ADAMTS2: variants seen among roughly 807,000 people sequenced by gnomAD.
ADAMTS2 encodes ADAM metallopeptidase with thrombospondin type 1 motif 2.
In ADAMTS2, 50 loss-of-function variants were observed where a neutral mutation model predicts 123.0. The observed-to-expected ratio is 0.41, with a 90% confidence interval of 0.32 to 0.51. ADAMTS2 has a LOEUF of 0.51. ADAMTS2 is among the 20% of genes least tolerant of loss of function. The pLI is 0.35. For synonymous variants in ADAMTS2, 678 were observed against 695.4 expected (o/e 0.98, Z 0.39); for missense variants, 1,494 against 1,705.2 (o/e 0.88, Z 2.18).
chr5:179,138,695 G>T (rs778911895), intron 11 of ADAMTS2, among the ~76,000 whole-genome samples: 15 of 152,224 alleles, frequency 9.9e-5, no homozygotes, highest in Non-Finnish European at 1.9e-4. Flanking sequence ...GGACAGCAGG[G>T]GTAGGAGAGG....
intron 3 of ADAMTS2, among the ~76,000 whole-genome samples, chr5:179,213,221 T>A (rs866208098): frequency 2.0e-5 from 3 of 152,288 alleles, no homozygotes; most frequent in Middle Eastern, 6.8e-3. Context: ...TGCTGAAATG[T>A]CAGCTCCTAA....
chr5:179,142,056 C>T (rs1160031743), intron 10 of ADAMTS2, among the ~76,000 whole-genome samples: 1 of 148,880 alleles, frequency 6.7e-6, no homozygotes. Flanking sequence ...TTAGCTCTGG[C>T]TCAGTGGTGC....
At position 179,132,963 on chromosome 5, in the gene ADAMTS2, T is replaced by C. The variant is rs1762992094; in HGVS notation, c.2086-63A>G. ...TGCTAGTAGAGTCAGGGTCATACTA[T>C]GTTGCCCCCAGTCTCGAACACCTGG... On this transcript the variant is annotated intron_variant, in intron 13 of 21. Transcript: ENST00000251582. The surrounding 1 kb of genome is among the most constrained non-coding windows in gnomAD (Gnocchi z 6.1). 6.3e-7 allele frequency: 1 copy of C among 1,585,458 alleles called. No individual in the cohort carries two copies. The highest frequency in any genetic ancestry group is 1.8e-5 in the Admixed American group (1 of 56,390).
chr5:179,226,455 T>G (rs554668866), intron 3 of ADAMTS2, among the ~76,000 whole-genome samples: 2 of 151,694 alleles, frequency 1.3e-5, no homozygotes, highest in Admixed American at 6.6e-5. Context: ...TTTTGTATTT[T>G]TAGTAGAGAC....
At position 179,261,456 on chromosome 5, in the gene ADAMTS2, T is replaced by G. The variant is rs898537715; in HGVS notation, c.688+11455A>C. Reference sequence around the variant, plus strand: ...CTAATTCATTTAGTCACTCAGTAGGTGCCCCCTGATGGCTGCTCAGGGCCA... The same window carrying G: ...CTAATTCATTTAGTCACTCAGTAGGGGCCCCCTGATGGCTGCTCAGGGCCA... On this transcript the variant is annotated intron_variant, in intron 3 of 21. Transcript: ENST00000251582. Among the ~76,000 whole-genome samples, 13 of 152,320 alleles carry G rather than the reference T, an allele frequency of 8.5e-5. No homozygotes were observed. The East Asian group carries it at 2.3e-3, about 27-fold the overall frequency.
At chr5:179,211,802 C>T (rs1581193719) in intron 3 of ADAMTS2, among the ~76,000 whole-genome samples, 1 of 152,304 alleles carries the variant, frequency 6.6e-6, no homozygotes, top group East Asian at 1.9e-4. Flanking sequence ...CCTAGGCACA[C>T]CCCGAGTCTC....
chr5:179,269,191 A>G (rs1042132579), intron 3 of ADAMTS2, among the ~76,000 whole-genome samples: 7 of 152,132 alleles, frequency 4.6e-5, no homozygotes, highest in Admixed American at 2.6e-4. Flanking sequence ...TGGGCCAGAA[A>G]CAGATTCTCC....
rs528515203 is a variant in ADAMTS2 at position 179,158,897 on chromosome 5, G to A, written c.976-18C>T. The A allele has an allele frequency of 3.1e-6, 5 of 1,613,316 alleles. No individual in the cohort carries two copies. In the African/African-American group the frequency reaches 6.7e-5, roughly 21 times the overall value. On this transcript the variant is annotated intron_variant, in intron 5 of 21. Coordinates refer to ENST00000251582, the MANE Select transcript of ADAMTS2 (RefSeq NM_014244.5). This position sits in a 1 kb window ranked among gnomAD's most constrained non-coding sequence, Gnocchi z 5.0. ...CTCATGGACTGCAGGGGGATGGAGAGAAATGGAAGAGAGAGGTTGGCGCCT... is the reference window on the plus strand; with the variant it reads ...CTCATGGACTGCAGGGGGATGGAGAAAAATGGAAGAGAGAGGTTGGCGCCT...
At chr5:179,239,214 AG>A (rs1201530640) in intron 3 of ADAMTS2, among the ~76,000 whole-genome samples, 6 of 152,186 alleles carry the variant, frequency 3.9e-5, no homozygotes, top group Non-Finnish European at 8.8e-5. Context: ...AAGAGGACAA[AG>A]GCTTGACGCA....
intron 2 of ADAMTS2, among the ~76,000 whole-genome samples, chr5:179,293,565 G>A (rs1756247547): frequency 6.6e-6 from 1 of 152,214 alleles, no homozygotes. Context: ...GTGCCCCATA[G>A]ATCCCAGCCC....
chr5:179,120,737 G>C (rs898751167), intron 21 of ADAMTS2: 1 of 152,148 alleles, frequency 6.6e-6, no homozygotes, highest in Admixed American at 6.5e-5. Flanking sequence ...CCAGTCCGCG[G>C]AGACGGACGG....
At chr5:179,280,417 C>G (rs1766859051) in intron 2 of ADAMTS2, among the ~76,000 whole-genome samples, 1 of 152,236 alleles carries the variant, frequency 6.6e-6, no homozygotes, top group Admixed American at 6.5e-5. Context: ...CATCTGCAAA[C>G]TGAGGAGCTG....
intron 2 of ADAMTS2, among the ~76,000 whole-genome samples, chr5:179,275,399 G>C (rs1238107687): frequency 1.3e-5 from 2 of 152,144 alleles, no homozygotes; most frequent in East Asian, 3.8e-4. Context: ...CCAGGTCTGT[G>C]GCTGAAGAAC....
intron 10 of ADAMTS2, among the ~76,000 whole-genome samples, chr5:179,146,999 T>C (rs1668357599): frequency 6.6e-6 from 1 of 152,212 alleles, no homozygotes; most frequent in African/African-American, 2.4e-5. Flanking sequence ...TTCATTGCGG[T>C]TTCTCTTCTG....
At position 179,128,215 on chromosome 5, in the gene ADAMTS2, T is replaced by C. The variant is rs1762895927; in HGVS notation, c.2458-97A>G. The C allele has an allele frequency of 6.8e-7, 1 of 1,462,794 alleles. No individual in the cohort carries two copies. 90.6% of individuals were successfully genotyped at this position (1,462,794 alleles called of 1,614,324 possible). On this transcript the variant is annotated intron_variant, in intron 16 of 21. Coordinates refer to ENST00000251582, the MANE Select transcript of ADAMTS2 (RefSeq NM_014244.5). This position sits in a 1 kb window ranked among gnomAD's most constrained non-coding sequence, Gnocchi z 4.9. Reference sequence around the variant, plus strand: ...GCAGCTGAGGCCGACTCCAGAGGAGTCTCATCATTCATGGCAGTTACATTC... The same window carrying C: ...GCAGCTGAGGCCGACTCCAGAGGAGCCTCATCATTCATGGCAGTTACATTC...
In ADAMTS2 at chr5:179,175,052, GT is replaced by G. The variant is rs34599694; in HGVS notation, c.975+6019del. Reference sequence around the variant, plus strand: ...GCAGCTGTCTCAGCCATTCTTGACCGTTCATGTTCCTTTGGAGGAAGTCTCT... The same window carrying G: ...GCAGCTGTCTCAGCCATTCTTGACCGTCATGTTCCTTTGGAGGAAGTCTCT... On this transcript the variant is annotated intron_variant, in intron 5 of 21. Coordinates refer to ENST00000251582, the MANE Select transcript of ADAMTS2 (RefSeq NM_014244.5). This position sits in a 1 kb window ranked among gnomAD's most constrained non-coding sequence, Gnocchi z 4.1. Among the ~76,000 whole-genome samples, 198 of 146,824 alleles carry G rather than the reference GT, an allele frequency of 1.3e-3. No homozygotes were observed. The highest frequency in any genetic ancestry group is 4.6e-3 in the African/African-American group (182 of 39,596).
At chr5:179,213,890 T>A (rs893611594) in intron 3 of ADAMTS2, among the ~76,000 whole-genome samples, 6 of 152,128 alleles carry the variant, frequency 3.9e-5, no homozygotes, top group South Asian at 2.1e-4. Flanking sequence ...AAGGCCACAG[T>A]GATAGGAGCA....
Position 179,224,051 on chromosome 5 carries a change from C to T in ADAMTS2, c.689-16336G>A, listed in dbSNP as rs182890003. On this transcript the variant is annotated intron_variant, in intron 3 of 21. Transcript: ENST00000251582. ...CAGGTGGAGACAGGACAGGGTAGGACGAGGCGCAGCGTGGATGCGGGCGGA... is the reference window on the plus strand; with the variant it reads ...CAGGTGGAGACAGGACAGGGTAGGATGAGGCGCAGCGTGGATGCGGGCGGA... Among the ~76,000 whole-genome samples, 261 of 152,306 alleles carry T rather than the reference C, an allele frequency of 1.7e-3. 1 individual carries two copies. Among genetic ancestry groups the T allele is most frequent in the African/African-American group, 5.4e-3 (223 of 41,564 alleles).
At chr5:179,329,255 A>C (rs1156247190) in intron 2 of ADAMTS2, among the ~76,000 whole-genome samples, 1 of 149,578 alleles carries the variant, frequency 6.7e-6, no homozygotes, top group Non-Finnish European at 1.5e-5. Flanking sequence ...TGAACCCAGG[A>C]GGCAGAGCTT....
Sources: gnomAD v4.1 joint callset for allele counts (sites outside exome capture counted in the v4.1 genomes callset) on GRCh38, gnomAD v4.1.1 for gene constraint, Gnocchi (gnomAD v3.1) non-coding constraint, MANE v1.5 for transcripts, NCBI Gene and HGNC (gene_info 2026-07-23, HGNC 2026-07-21) for gene names.